PLS3: variants seen among roughly 807,000 people sequenced by gnomAD.
The protein encoded by PLS3 is plastin-3.
A neutral mutation model predicts 46.5 loss-of-function variants in PLS3; 11 were observed. The ratio of observed to expected loss-of-function variants is 0.24; its 90% confidence interval spans 0.15 to 0.39. The LOEUF is 0.39. Among genes scored for constraint, PLS3 ranks in the 10% least tolerant of loss-of-function variants. PLS3 has a pLI of 1.00. For missense variants in PLS3, 308 were observed against 461.8 expected (o/e 0.67, Z 3.05); for synonymous variants, 167 against 162.2 (o/e 1.03, Z -0.22).
At chrX:115,595,150 C>T (rs782074997) in intron 1 of PLS3, among the ~76,000 whole-genome samples, 28 of 111,435 alleles carry the variant, frequency 2.5e-4, no homozygotes, top group Non-Finnish European at 4.3e-4. Flanking sequence ...GAAAAAGCTA[C>T]GTATTAATTT....
At chrX:115,580,053 T>C (rs1329711912) in intron 1 of PLS3, among the ~76,000 whole-genome samples, 3 of 112,167 alleles carry the variant, frequency 2.7e-5, no homozygotes, top group African/African-American at 9.7e-5. Context: ...TATTTGTGTT[T>C]TTACTGTTGT....
At chrX:115,648,135 C>A (rs2074970803) in intron 15 of PLS3, 118 bp downstream of exon 15, 2 of 487,507 alleles carry the variant, frequency 4.1e-6, no homozygotes, top group South Asian at 3.5e-5. Flanking sequence ...CCTCTTGGAG[C>A]CTCAGATTCC....
At chrX:115,565,094 G>A (rs1256940524) in intron 1 of PLS3, among the ~76,000 whole-genome samples, 1 of 111,613 alleles carries the variant, frequency 9.0e-6, no homozygotes, top group Non-Finnish European at 1.9e-5. Context: ...ATATACCAGT[G>A]GTCATGACTA....
intron 12 of PLS3, 74 bp downstream of exon 12, chrX:115,646,260 T>G (rs1001148062): frequency 6.4e-5 from 56 of 876,906 alleles, no homozygotes; most frequent in South Asian, 1.9e-4. Flanking sequence ...TTTCTAAAAC[T>G]CTTGACGCTG....
intron 2 of PLS3, among the ~76,000 whole-genome samples, chrX:115,620,706 CTTTTTTTTTTTTTTTT>C (rs1176959674): frequency 7.3e-5 from 4 of 54,722 alleles, no homozygotes; most frequent in Admixed American, 5.3e-4. Context: ...TTTTTCTTTT[CTTTTTTTTTTTTTTTT>C]TTTTTTTTGA....
chrX:115,563,058 C>T (rs1376888243), intron 1 of PLS3, among the ~76,000 whole-genome samples: 9 of 111,440 alleles, frequency 8.1e-5, no homozygotes, highest in African/African-American at 2.9e-4. Context: ...AAACATCTTA[C>T]TAATTATTTT....
At position 115,637,523 on chromosome X, in the gene PLS3, C is replaced by T. The variant is rs782164914; in HGVS notation, c.891+545C>T. On this transcript the variant is annotated intron_variant, in intron 8 of 15. Transcript: ENST00000355899. ...AACATAGTATGTGGCATATACAAGTCCCTCATATTTCTTGCATTGAATTGA... is the reference window on the plus strand; with the variant it reads ...AACATAGTATGTGGCATATACAAGTTCCTCATATTTCTTGCATTGAATTGA... 5.4e-5 allele frequency among the ~76,000 whole-genome samples: 6 copies of T among 111,340 alleles called. No homozygotes were observed. The East Asian group carries it at 1.4e-3, about 26-fold the overall frequency.
chrX:115,609,803 G>A (rs2074530882), intron 1 of PLS3, among the ~76,000 whole-genome samples: 1 of 112,337 alleles, frequency 8.9e-6, no homozygotes, highest in African/African-American at 3.2e-5. Flanking sequence ...ATTGATAGAT[G>A]TCAGTATGCT....
chrX:115,610,237 C>T lies in PLS3; in HGVS notation c.-8-6C>T, dbSNP rs782362531. On this transcript the variant is annotated splice_region_variant and splice_polypyrimidine_tract_variant and intron_variant, in intron 1 of 15. Coordinates refer to ENST00000355899, the MANE Select transcript of PLS3 (RefSeq NM_005032.7). ...AAAGTCTGAAACGTTTTTGGTTTTTCTTTAGATCTTTAAATGGATGAGATG... is the reference window on the plus strand; with the variant it reads ...AAAGTCTGAAACGTTTTTGGTTTTTTTTTAGATCTTTAAATGGATGAGATG... 1 of 1,094,372 alleles carries T rather than the reference C, an allele frequency of 9.1e-7. No individual in the cohort carries two copies. Among genetic ancestry groups the T allele is most frequent in the African/African-American group, 1.8e-5 (1 of 54,160 alleles). 90.2% of individuals were successfully genotyped at this position (1,094,372 alleles called of 1,213,427 possible).
chrX:115,622,008 G>A, intron 2 of PLS3: 2 of 315,968 alleles, frequency 6.3e-6, no homozygotes, highest in South Asian at 7.5e-5. Context: ...TTGAACTTAG[G>A]GATGCTCTTT....
At chrX:115,625,035 A>G (rs1416910945) in intron 3 of PLS3, among the ~76,000 whole-genome samples, 1 of 112,025 alleles carries the variant, frequency 8.9e-6, no homozygotes, top group African/African-American at 3.2e-5. Flanking sequence ...TGCTACTACT[A>G]CTATGACTGT....
chrX:115,571,977 C>T (rs2074219369), intron 1 of PLS3, among the ~76,000 whole-genome samples: 1 of 111,983 alleles, frequency 8.9e-6, no homozygotes, highest in Non-Finnish European at 1.9e-5. Context: ...CATTGTAAAG[C>T]TACAGTTGAA....
At chrX:115,584,559 G>C (rs1556632189) in intron 1 of PLS3, among the ~76,000 whole-genome samples, 1 of 111,571 alleles carries the variant, frequency 9.0e-6, no homozygotes, top group East Asian at 2.8e-4. Context: ...ATTTTATTCT[G>C]TGATGATCAT....
intron 1 of PLS3, among the ~76,000 whole-genome samples, chrX:115,584,783 C>G (rs1373477874): frequency 9.0e-6 from 1 of 111,562 alleles, no homozygotes; most frequent in African/African-American, 3.3e-5. Flanking sequence ...ATTTAATGCT[C>G]CCTGTGGAAA....
intron 1 of PLS3, among the ~76,000 whole-genome samples, chrX:115,581,501 T>TA (rs2074279159): frequency 8.9e-6 from 1 of 111,992 alleles, no homozygotes. Flanking sequence ...TTCAGGTATT[T>TA]AAAAAAAGAG....
intron 8 of PLS3, 83 bp from the exon 9 acceptor site, chrX:115,640,325 C>A: frequency 2.8e-6 from 2 of 705,523 alleles, no homozygotes; most frequent in African/African-American, 2.1e-5. Context: ...AAATCCAATG[C>A]AAATAGCCTT....
At chrX:115,641,369 A>T (rs1244115018) in intron 9 of PLS3, among the ~76,000 whole-genome samples, 3 of 107,219 alleles carry the variant, frequency 2.8e-5, no homozygotes, top group Non-Finnish European at 5.8e-5. Flanking sequence ...CTGCGATTAC[A>T]GGCGCCCACC....
chrX:115,612,486 C>T (rs1285640520), intron 2 of PLS3, among the ~76,000 whole-genome samples: 1 of 111,104 alleles, frequency 9.0e-6, no homozygotes, highest in Non-Finnish European at 1.9e-5. Context: ...ATTTTAAAAA[C>T]AAGCTCTATA....
Position 115,643,513 on chromosome X carries a change from C to CT in PLS3, c.1183+6dup, listed in dbSNP as rs1251079240. On this transcript the variant is annotated splice_donor_region_variant and intron_variant, in intron 10 of 15. Coordinates refer to ENST00000355899, the MANE Select transcript of PLS3 (RefSeq NM_005032.7). Reference sequence around the variant, plus strand: ...TTGACTGGACTCTATTAGAAGGTAACTAAAAACCTCAATTTCGAATGTGTG... The same window carrying CT: ...TTGACTGGACTCTATTAGAAGGTAACTTAAAAACCTCAATTTCGAATGTGTG... 29 of 1,080,439 alleles carry CT rather than the reference C, an allele frequency of 2.7e-5. 1 individual carries two copies. In the Admixed American group the frequency reaches 6.5e-4, roughly 24 times the overall value. 89.0% of individuals were successfully genotyped at this position (1,080,439 alleles called of 1,213,427 possible). A position where few individuals can be genotyped will look rare whatever the true frequency, so the allele number is the denominator to read the frequency against.
Sources: gnomAD v4.1 joint callset for allele counts (sites outside exome capture counted in the v4.1 genomes callset) on GRCh38, gnomAD v4.1.1 for gene constraint, MANE v1.5 for transcripts, NCBI Gene and HGNC (gene_info 2026-07-23, HGNC 2026-07-21) for gene names.